KANSL1: variants seen among roughly 807,000 people sequenced by gnomAD.
The protein encoded by KANSL1 is MLL1/MLL complex subunit KANSL1.
A neutral mutation model predicts 103.6 loss-of-function variants in KANSL1; 22 were observed. That is an observed-to-expected ratio of 0.21 (90% CI 0.15 to 0.30). KANSL1 has a LOEUF of 0.30. Among genes scored for constraint, KANSL1 ranks in the 10% least tolerant of loss-of-function variants. KANSL1 has a pLI of 1.00. For missense variants in KANSL1, 1,337 were observed against 1,399.8 expected (o/e 0.96, Z 0.72); for synonymous variants, 600 against 527.6 (o/e 1.14, Z -1.88).
chr17:46,166,148 G>A (rs2045983705), intron 2 of KANSL1, among the ~76,000 whole-genome samples: 1 of 150,314 alleles, frequency 6.7e-6, no homozygotes, highest in South Asian at 2.1e-4. Context: ...GGGAGGTGGA[G>A]ATTGCAGTGA....
chr17:46,077,033 C>T (rs1471684841), intron 4 of KANSL1, among the ~76,000 whole-genome samples: 1 of 152,114 alleles, frequency 6.6e-6, no homozygotes, highest in Non-Finnish European at 1.5e-5. Context: ...TGCAATATTG[C>T]ATTAGCCAAG....
intron 1 of KANSL1, among the ~76,000 whole-genome samples, chr17:46,210,472 C>CA (rs1185499581): frequency 0.019 from 49 of 2,568 alleles, 6 homozygotes; most frequent in African/African-American, 0.03. Flanking sequence ...GACTCTGTCT[C>CA]AAAAAAAAAA....
intron 1 of KANSL1, among the ~76,000 whole-genome samples, chr17:46,183,878 A>C (rs1779920303): frequency 1.3e-5 from 2 of 152,216 alleles, no homozygotes; most frequent in Admixed American, 1.3e-4. Flanking sequence ...GCACCACTGC[A>C]CTCCAGCGTA....
chr17:46,146,811 C>T (rs2044729032), intron 2 of KANSL1, among the ~76,000 whole-genome samples: 2 of 129,554 alleles, frequency 1.5e-5, no homozygotes, highest in East Asian at 2.3e-4. Flanking sequence ...CCAGCCTGGG[C>T]GACAGAGCGA....
upstream of KANSL1, among the ~76,000 whole-genome samples, chr17:46,195,347 AAG>A (rs2047570871): frequency 6.6e-6 from 1 of 152,254 alleles, no homozygotes; most frequent in Non-Finnish European, 1.5e-5. Context: ...CCAAATAAGC[AAG>A]ATTATATGAA....
At chr17:46,113,304 C>A (rs573962887) in intron 2 of KANSL1, among the ~76,000 whole-genome samples, 108 of 152,248 alleles carry the variant, frequency 7.1e-4, no homozygotes, top group African/African-American at 2.6e-3. Flanking sequence ...CCATCATGGC[C>A]CCACGTGTTT....
chr17:46,101,130 T>G (rs2042295590), intron 2 of KANSL1, among the ~76,000 whole-genome samples: 1 of 152,178 alleles, frequency 6.6e-6, no homozygotes, highest in Non-Finnish European at 1.5e-5. Flanking sequence ...ACTGAGATCA[T>G]CCCAGAGCGT....
At chr17:46,158,863 A>G (rs2045579568) in intron 2 of KANSL1, among the ~76,000 whole-genome samples, 1 of 152,202 alleles carries the variant, frequency 6.6e-6, no homozygotes, top group South Asian at 2.1e-4. Flanking sequence ...TCTGAAGCAT[A>G]ACACTCCAGC....
At chr17:46,059,641 A>AGAGAGAGAGAG (rs1382882759) in intron 6 of KANSL1, among the ~76,000 whole-genome samples, 2 of 26,028 alleles carry the variant, frequency 7.7e-5, no homozygotes, top group African/African-American at 1.5e-4. Context: ...AAAAAAAAAA[A>AGAGAGAGAGAG]AAAAAAAGAG....
intron 1 of KANSL1, chr17:46,222,024 G>A (rs1362709809): frequency 1.3e-5 from 2 of 148,972 alleles, no homozygotes; most frequent in Admixed American, 6.8e-5. Flanking sequence ...ATAAAAATAG[G>A]AAGAAAACAT....
In KANSL1 at chr17:46,121,909, T is replaced by C. The variant is rs961203952; in HGVS notation, c.1290-27208A>G. Among the ~76,000 whole-genome samples, 6 of 152,190 alleles carry C rather than the reference T, an allele frequency of 3.9e-5. No individual in the cohort carries two copies. The South Asian group carries it at 6.2e-4, about 16-fold the overall frequency. On this transcript the variant is annotated intron_variant, in intron 2 of 14. Coordinates refer to ENST00000432791, the MANE Select transcript of KANSL1 (RefSeq NM_015443.4). ...CCTACCTTAACGTGCTCAGAACACA[T>C]ACATTATCCTACAGTTGGGCAAAAT...
At chr17:46,135,089 T>A (rs886295901) in intron 2 of KANSL1, among the ~76,000 whole-genome samples, 2 of 152,108 alleles carry the variant, frequency 1.3e-5, no homozygotes, top group Admixed American at 1.3e-4. Context: ...TAATTTCTAC[T>A]CTTTTGTGCC....
At chr17:46,153,156 AG>A (rs1470257442) in intron 2 of KANSL1, among the ~76,000 whole-genome samples, 2 of 152,214 alleles carry the variant, frequency 1.3e-5, no homozygotes, top group African/African-American at 4.8e-5. Context: ...TCCCTTGTTG[AG>A]TAAGTTAATT....
chr17:46,136,436 C>T (rs922925149), intron 2 of KANSL1, among the ~76,000 whole-genome samples: 3 of 152,158 alleles, frequency 2.0e-5, no homozygotes, highest in South Asian at 2.1e-4. Flanking sequence ...CATATCGTTA[C>T]CCTCTTCTGC....
intron 4 of KANSL1, among the ~76,000 whole-genome samples, chr17:46,080,666 C>T (rs1469413103): frequency 1.3e-5 from 2 of 152,070 alleles, no homozygotes; most frequent in Non-Finnish European, 2.9e-5. Context: ...GCCCATTCTA[C>T]TAATAATAAA....
chr17:46,059,389 C>T (rs1179602493), intron 6 of KANSL1, among the ~76,000 whole-genome samples: 1 of 151,910 alleles, frequency 6.6e-6, no homozygotes, highest in East Asian at 1.9e-4. Context: ...GAGGCTGAGG[C>T]GGGCAGACCA....
intron 6 of KANSL1, among the ~76,000 whole-genome samples, chr17:46,054,781 G>A (rs1398437487): frequency 6.6e-6 from 1 of 151,886 alleles, no homozygotes; most frequent in African/African-American, 2.4e-5. Flanking sequence ...TCTGCACTTG[G>A]CTCTTCAACC....
intron 1 of KANSL1, among the ~76,000 whole-genome samples, chr17:46,212,572 T>C (rs1196454224): frequency 6.6e-6 from 1 of 152,226 alleles, no homozygotes; most frequent in African/African-American, 2.4e-5. Context: ...TCCTTAAATA[T>C]ACCATGATTT....
intron 2 of KANSL1, among the ~76,000 whole-genome samples, chr17:46,107,287 AATACTC>A: frequency 6.6e-6 from 1 of 152,320 alleles, no homozygotes; most frequent in Middle Eastern, 3.4e-3. Context: ...TTTTACGGCA[AATACTC>A]ATTATTCTAA....
Sources: gnomAD v4.1 joint callset for allele counts (sites outside exome capture counted in the v4.1 genomes callset) on GRCh38, gnomAD v4.1.1 for gene constraint, MANE v1.5 for transcripts, NCBI Gene and HGNC (gene_info 2026-07-23, HGNC 2026-07-21) for gene names.